Variants in SDK1 observed in about 807,000 individuals in gnomAD.
The protein encoded by SDK1 is sidekick cell adhesion molecule 1, also known as protein sidekick-1.
A neutral mutation model predicts 245.5 loss-of-function variants in SDK1; 157 were observed. That is an observed-to-expected ratio of 0.64 (90% CI 0.56 to 0.73). The LOEUF is 0.73. Among genes scored for constraint, SDK1 ranks in the 30% least tolerant of loss-of-function variants. The pLI, the probability that SDK1 is intolerant of heterozygous loss-of-function variation, is 0.00. For missense variants in SDK1, 3,583 were observed against 3,002.3 expected (o/e 1.19, Z -4.52); for synonymous variants, 1,647 against 1,278.5 (o/e 1.29, Z -6.15).
chr7:3,588,533 G>A (rs1357748733), intron 1 of SDK1, among the ~76,000 whole-genome samples: 1 of 152,180 alleles, frequency 6.6e-6, no homozygotes, highest in Non-Finnish European at 1.5e-5. Context: ...CTGGACAGGT[G>A]CCAGGTCCTG....
In SDK1 at chr7:4,220,184, G is replaced by T. The variant is rs1323234512; in HGVS notation, c.5615G>T (p.Gly1872Val). The T allele has an allele frequency of 1.2e-6, 2 of 1,613,978 alleles. No homozygotes were observed. The highest frequency in any genetic ancestry group is 1.7e-6 in the Non-Finnish European group (2 of 1,180,036). ...RWLKVRDLTK[G>V]VTYFFRVQAR... The stretch of plus-strand genomic sequence containing the variant: ...CTGAAGGTGCGGGACCTCACCAAGG[G>T]AGTGACCTATTTCTTCCGTGTCCAA... Residue 1872 changes from glycine to valine, a missense_variant, in exon 39 of 45, where the codon GGA (glycine) becomes GTA (valine). Coordinates refer to ENST00000404826, the MANE Select transcript of SDK1 (RefSeq NM_152744.4).
At chr7:3,795,153 C>G (rs777347596) in intron 4 of SDK1, among the ~76,000 whole-genome samples, 21 of 152,104 alleles carry the variant, frequency 1.4e-4, no homozygotes, top group Non-Finnish European at 2.8e-4. Flanking sequence ...ACTCTAAAAT[C>G]TTTTAACCAC....
Position 3,880,192 on chromosome 7 carries a change from C to T in SDK1, c.847+58609C>T, listed in dbSNP as rs116090201. Among the ~76,000 whole-genome samples, 1,395 of 152,320 alleles carry T rather than the reference C, an allele frequency of 9.2e-3. 23 individuals carry two copies. The highest frequency in any genetic ancestry group is 0.032 in the African/African-American group (1,336 of 41,556). On this transcript the variant is annotated intron_variant, in intron 5 of 44. Transcript: ENST00000404826. Reference sequence around the variant, plus strand: ...TCAGGGAGATGGATGCGTTCTGCAACTTCGGGATGGCCAGGTGGGCCTTCA... The same window carrying T: ...TCAGGGAGATGGATGCGTTCTGCAATTTCGGGATGGCCAGGTGGGCCTTCA...
At chr7:3,454,881 G>C (rs192725140) in intron 1 of SDK1, among the ~76,000 whole-genome samples, 59 of 152,286 alleles carry the variant, frequency 3.9e-4, no homozygotes, top group African/African-American at 1.4e-3. Context: ...TATAGTAATT[G>C]TGTTCAGTAT....
At chr7:3,547,270 CATA>C (rs1779254006) in intron 1 of SDK1, among the ~76,000 whole-genome samples, 3 of 152,094 alleles carry the variant, frequency 2.0e-5, no homozygotes, top group African/African-American at 7.2e-5. Context: ...ATTTAACAGT[CATA>C]ATTATTATAA....
At chr7:4,209,422 A>C (rs998694552) in intron 37 of SDK1, among the ~76,000 whole-genome samples, 3 of 152,194 alleles carry the variant, frequency 2.0e-5, no homozygotes, top group African/African-American at 7.2e-5. Flanking sequence ...GCCCGGGCAG[A>C]GGGGGAGCTG....
chr7:3,435,269 G>T (rs1415967582), intron 1 of SDK1, among the ~76,000 whole-genome samples: 1 of 146,154 alleles, frequency 6.8e-6, no homozygotes, highest in African/African-American at 2.5e-5. Flanking sequence ...ATCTATTCCA[G>T]TGTGATCACC....
chr7:4,049,012 T>C (rs920068999), intron 17 of SDK1, among the ~76,000 whole-genome samples: 4 of 152,176 alleles, frequency 2.6e-5, no homozygotes, highest in Admixed American at 1.3e-4. Flanking sequence ...TGCCTTGATC[T>C]CAAATATCTG....
At chr7:3,797,457 A>G (rs113265156) in intron 4 of SDK1, among the ~76,000 whole-genome samples, 3 of 72,376 alleles carry the variant, frequency 4.1e-5, no homozygotes, top group African/African-American at 1.9e-4. Flanking sequence ...AGGGGTGTGT[A>G]TACACACACA....
intron 4 of SDK1, among the ~76,000 whole-genome samples, chr7:3,774,119 G>A (rs1780483477): frequency 6.6e-6 from 1 of 151,536 alleles, no homozygotes. Flanking sequence ...GGAGGCTGAG[G>A]CAGGAGAATG....
At chr7:4,104,059 G>A (rs1782752648) in intron 22 of SDK1, among the ~76,000 whole-genome samples, 1 of 152,242 alleles carries the variant, frequency 6.6e-6, no homozygotes, top group Non-Finnish European at 1.5e-5. Context: ...CAGTACTAGA[G>A]CCCTGCTTGT....
At chr7:4,008,076 C>T (rs964221853) in intron 14 of SDK1, among the ~76,000 whole-genome samples, 1 of 152,186 alleles carries the variant, frequency 6.6e-6, no homozygotes, top group Non-Finnish European at 1.5e-5. Context: ...TGCCCTTTCC[C>T]CTGCTCCTCC....
At chr7:4,098,162 T>C (rs1024408657) in intron 22 of SDK1, among the ~76,000 whole-genome samples, 8 of 152,142 alleles carry the variant, frequency 5.3e-5, no homozygotes, top group Non-Finnish European at 8.8e-5. Context: ...TTTTTGTTCA[T>C]TCATCTGTCA....
chr7:4,241,984 C>A (rs955047903), intron 43 of SDK1, 71 bp downstream of exon 43: 7 of 1,553,732 alleles, frequency 4.5e-6, no homozygotes, highest in Non-Finnish European at 6.1e-6. Flanking sequence ...CAGCCCACGC[C>A]CACTGGCACC....
intron 1 of SDK1, among the ~76,000 whole-genome samples, chr7:3,481,720 C>T (rs1349471073): frequency 3.9e-5 from 6 of 152,346 alleles, no homozygotes; most frequent in South Asian, 2.1e-4. Context: ...CTAGTTTCTG[C>T]TTCCCTGCTC....
intron 4 of SDK1, among the ~76,000 whole-genome samples, chr7:3,646,340 GA>G (rs138341042): frequency 0.29 from 43,801 of 151,826 alleles, 7,019 homozygotes; most frequent in African/African-American, 0.42. Context: ...ATTTTCAAGG[GA>G]AACAGTAAGT....
At chr7:3,584,826 C>T (rs919321143) in intron 1 of SDK1, among the ~76,000 whole-genome samples, 2 of 151,874 alleles carry the variant, frequency 1.3e-5, no homozygotes, top group African/African-American at 2.4e-5. Context: ...CGGGTTCACG[C>T]CGTTCTGCTG....
chr7:3,493,992 A>G (rs569891491), intron 1 of SDK1, among the ~76,000 whole-genome samples: 1 of 152,360 alleles, frequency 6.6e-6, no homozygotes, highest in South Asian at 2.1e-4. Context: ...CTGTATAGAC[A>G]GTTCATTGAA....
intron 1 of SDK1, among the ~76,000 whole-genome samples, chr7:3,580,979 AAAAAAAAAAAAAAAACCAAAAC>A (rs1433892492): frequency 2.9e-5 from 4 of 138,570 alleles, no homozygotes; most frequent in Non-Finnish European, 4.7e-5. Context: ...AAAAAAAAAA[AAAAAAAAAAAAAAAACCAAAAC>A]AAAACCCTGG....
Sources: allele counts gnomAD v4.1 joint callset (sites outside exome capture counted in the v4.1 genomes callset), GRCh38; gene constraint gnomAD v4.1.1; transcripts MANE v1.5; gene names NCBI Gene and HGNC (gene_info 2026-07-23, HGNC 2026-07-21).